The following CASD1 variants were observed in gnomAD, a reference collection of about 807,000 sequenced individuals.
CASD1 encodes N-acetylneuraminate (7)9-O-acetyltransferase.
A neutral mutation model predicts 100.0 loss-of-function variants in CASD1; 41 were observed. The ratio of observed to expected loss-of-function variants is 0.41; its 90% CI spans 0.32 to 0.53. The LOEUF is 0.53. Among genes scored for constraint, CASD1 ranks in the 20% least tolerant of loss-of-function variants. The probability of loss-of-function intolerance (pLI) is 0.25; values close to 1 mark genes in which losing one functional copy is unlikely to be tolerated. For synonymous variants in CASD1, 321 were observed against 315.6 expected, an observed-to-expected ratio of 1.02 and a Z score of -0.18; for missense variants, 774 against 948.7, an observed-to-expected ratio of 0.82 and a Z score of 2.42.
chr7:94,552,043 GT>G, intron 15 of CASD1: 1 of 250,588 alleles, frequency 4.0e-6, no homozygotes, highest in Non-Finnish European at 7.5e-6. Context: ...AATTTTAAAA[GT>G]TACAATAAAT....
At chr7:94,528,290 T>C in intron 5 of CASD1, 40 bp downstream of exon 5, 1 of 1,355,346 alleles carries the variant, frequency 7.4e-7, no homozygotes, top group South Asian at 1.3e-5. Context: ...TTTTTTTATT[T>C]TTATTCCCTT....
At chr7:94,510,738 G>A (rs151314249) in intron 1 of CASD1, among the ~76,000 whole-genome samples, 59 of 152,372 alleles carry the variant, frequency 3.9e-4, no homozygotes, top group African/African-American at 1.4e-3. Context: ...TGGGCTGTTG[G>A]ACAGCGGCAA....
intron 3 of CASD1, among the ~76,000 whole-genome samples, chr7:94,522,414 T>A (rs1180774407): frequency 6.6e-6 from 1 of 152,164 alleles, no homozygotes; most frequent in African/African-American, 2.4e-5. Context: ...TCTAATAAAT[T>A]AGCCTTAAAA....
the CASD1 span, chr7:94,587,955 AC>A: frequency 7.0e-7 from 1 of 1,428,906 alleles, no homozygotes; most frequent in Non-Finnish European, 9.1e-7. Flanking sequence ...AGAATTCCAC[AC>A]CCAACTTACA....
At chr7:94,542,742 C>A (rs550853831) in intron 10 of CASD1, among the ~76,000 whole-genome samples, 1 of 152,052 alleles carries the variant, frequency 6.6e-6, no homozygotes, top group Non-Finnish European at 1.5e-5. Context: ...AGGCAATCCA[C>A]GAAGGGGATA....
chr7:94,573,836 G>T, the CASD1 span, among the ~76,000 whole-genome samples: 2 of 152,134 alleles, frequency 1.3e-5, no homozygotes, highest in Admixed American at 6.5e-5. Flanking sequence ...TTCAGCTTTT[G>T]CCCATTCAGT....
chr7:94,529,987 A>G (rs1794769589), intron 5 of CASD1, among the ~76,000 whole-genome samples: 2 of 152,154 alleles, frequency 1.3e-5, no homozygotes, highest in Admixed American at 1.3e-4. Flanking sequence ...TTCCACAGAT[A>G]TTTCTATATT....
At chr7:94,540,084 G>A (rs1287015913) in intron 10 of CASD1, among the ~76,000 whole-genome samples, 1 of 152,038 alleles carries the variant, frequency 6.6e-6, no homozygotes, top group African/African-American at 2.4e-5. Context: ...GATGTGGCAG[G>A]GCTAGAAAAA....
At chr7:94,570,700 G>T in the CASD1 span, among the ~76,000 whole-genome samples, 1 of 151,998 alleles carries the variant, frequency 6.6e-6, no homozygotes, top group Non-Finnish European at 1.5e-5. Context: ...TCACCATGTT[G>T]GCCAGGCTGA....
At chr7:94,601,476 A>AAAAAAC in the CASD1 span, among the ~76,000 whole-genome samples, 2 of 134,948 alleles carry the variant, frequency 1.5e-5, no homozygotes, top group Non-Finnish European at 1.6e-5. Flanking sequence ...AAAAAAAAAA[A>AAAAAAC]CTACAACAGT....
At chr7:94,518,618 A>G (rs1794091136) in intron 3 of CASD1, among the ~76,000 whole-genome samples, 1 of 152,134 alleles carries the variant, frequency 6.6e-6, no homozygotes, top group African/African-American at 2.4e-5. Flanking sequence ...AGACAAAGAG[A>G]AAATATCACC....
At chr7:94,554,317 T>G in intron 16 of CASD1, 166 bp from the exon 17 acceptor site, 1 of 513,012 alleles carries the variant, frequency 1.9e-6, no homozygotes, top group Non-Finnish European at 3.4e-6. Flanking sequence ...TGGGTAGACT[T>G]TAGAACAAAA....
At chr7:94,570,880 G>C in the CASD1 span, among the ~76,000 whole-genome samples, 1 of 152,142 alleles carries the variant, frequency 6.6e-6, no homozygotes, top group African/African-American at 2.4e-5. Context: ...ATTTGCTGAT[G>C]TATTTAACTT....
intron 16 of CASD1, among the ~76,000 whole-genome samples, chr7:94,553,531 A>G (rs1796050990): frequency 6.6e-6 from 1 of 152,168 alleles, no homozygotes; most frequent in African/African-American, 2.4e-5. Flanking sequence ...AGGTTGATCA[A>G]CATTGAATAT....
downstream of CASD1, among the ~76,000 whole-genome samples, chr7:94,558,203 A>T (rs1003805451): frequency 2.0e-5 from 3 of 152,210 alleles, no homozygotes; most frequent in Non-Finnish European, 4.4e-5. Flanking sequence ...ATAATGTTTT[A>T]CAAGGATGTG....
the CASD1 span, among the ~76,000 whole-genome samples, chr7:94,578,489 G>T: frequency 6.6e-6 from 1 of 152,150 alleles, no homozygotes; most frequent in East Asian, 1.9e-4. Flanking sequence ...CCATTCTGTT[G>T]GTCCTCCACT....
intron 8 of CASD1, among the ~76,000 whole-genome samples, chr7:94,536,115 C>T (rs1165328868): frequency 1.1e-4 from 17 of 151,974 alleles, no homozygotes; most frequent in African/African-American, 3.6e-4. Context: ...TGGTGGCACA[C>T]GCTTGTAATC....
At chr7:94,628,687 G>A in the CASD1 span, 2 of 280,554 alleles carry the variant, frequency 7.1e-6, no homozygotes, top group Non-Finnish European at 1.4e-5. Context: ...TCATGCTAAT[G>A]TACTCATTCT....
At chr7:94,512,427 T>A (rs1793758886) in intron 1 of CASD1, among the ~76,000 whole-genome samples, 1 of 152,202 alleles carries the variant, frequency 6.6e-6, no homozygotes, top group Non-Finnish European at 1.5e-5. Context: ...GTATTTGGAT[T>A]TTGAATGTGT....
Sources: allele counts gnomAD v4.1 joint callset (sites outside exome capture counted in the v4.1 genomes callset), GRCh38; gene constraint gnomAD v4.1.1; transcripts MANE v1.5; gene names NCBI Gene and HGNC (gene_info 2026-07-23, HGNC 2026-07-21).